Variants in CPAMD8 observed in about 807,000 individuals in gnomAD.
CPAMD8 encodes the protein C3 and PZP-like alpha-2-macroglobulin domain-containing protein 8.
Under a neutral mutation model 224.7 loss-of-function variants are expected in CPAMD8, and 146 were observed. That is an observed-to-expected ratio of 0.65 (90% CI 0.57 to 0.75). The LOEUF (loss-of-function observed/expected upper bound fraction) is 0.75, where lower values mean the gene tolerates loss of function less well. CPAMD8 is among the 30% of genes least tolerant of loss of function. CPAMD8 has a pLI of 0.00. For missense variants in CPAMD8, 2,301 were observed against 2,537.5 expected (o/e 0.91, Z 2.00); for synonymous variants, 966 against 1,044.6 (o/e 0.92, Z 1.45).
chr19:17,015,265 G>T (rs73499181), intron 3 of CPAMD8, among the ~76,000 whole-genome samples: 5,429 of 152,132 alleles, frequency 0.036, 329 homozygotes, highest in African/African-American at 0.12. Flanking sequence ...TAAAAAAAAT[G>T]TAAAAATAAA....
intron 14 of CPAMD8, among the ~76,000 whole-genome samples, chr19:16,979,953 T>C (rs1262341518): frequency 6.6e-6 from 1 of 151,614 alleles, no homozygotes; most frequent in Non-Finnish European, 1.5e-5. Flanking sequence ...GGAAAGTTGG[T>C]ACTACTGGCA....
chr19:16,945,723 A>AAG (rs772655172), intron 21 of CPAMD8, 44 bp from the exon 22 acceptor site: 1 of 1,601,292 alleles, frequency 6.2e-7, no homozygotes, highest in South Asian at 1.1e-5. Context: ...GTCTCCACCC[A>AAG]AGATGGGGGC....
intron 27 of CPAMD8, among the ~76,000 whole-genome samples, chr19:16,919,444 A>C (rs2053086544): frequency 6.6e-6 from 1 of 152,196 alleles, no homozygotes; most frequent in Non-Finnish European, 1.5e-5. Context: ...TTTGGAAACA[A>C]ATCTTCCAGC....
At chr19:17,026,120 C>G (rs2057074440) in intron 1 of CPAMD8, among the ~76,000 whole-genome samples, 2 of 152,202 alleles carry the variant, frequency 1.3e-5, no homozygotes. Context: ...CAGAAGCCTG[C>G]AAGCAAACCT....
chr19:16,927,630 G>A (rs371769254), intron 25 of CPAMD8, among the ~76,000 whole-genome samples: 1 of 152,096 alleles, frequency 6.6e-6, no homozygotes, highest in Non-Finnish European at 1.5e-5. Context: ...ATATCTGGCT[G>A]ACTTATTCAG....
intron 11 of CPAMD8, 103 bp from the exon 12 acceptor site, chr19:16,993,689 T>A: frequency 1.8e-6 from 2 of 1,083,098 alleles, no homozygotes; most frequent in Non-Finnish European, 2.6e-6. Flanking sequence ...GCAGGCTTCT[T>A]TGTAGAAATT....
chr19:16,972,625 G>A (rs62125978), intron 17 of CPAMD8, among the ~76,000 whole-genome samples: 40,400 of 151,840 alleles, frequency 0.27, 5,720 homozygotes, highest in African/African-American at 0.36. Context: ...TAGTAGAGAC[G>A]GGGTTTCACT....
intron 23 of CPAMD8, among the ~76,000 whole-genome samples, chr19:16,929,650 T>C (rs2053487787): frequency 6.6e-6 from 1 of 152,116 alleles, no homozygotes; most frequent in Non-Finnish European, 1.5e-5. Context: ...CAGTGAGCCA[T>C]GATTGCACCA....
At chr19:16,982,349 GCC>G (rs1340911288) in intron 13 of CPAMD8, among the ~76,000 whole-genome samples, 1 of 151,864 alleles carries the variant, frequency 6.6e-6, no homozygotes, top group African/African-American at 2.4e-5. Context: ...TCATGATCAT[GCC>G]ACTGCACCCT....
intron 14 of CPAMD8, among the ~76,000 whole-genome samples, chr19:16,978,819 C>A (rs768726983): frequency 2.6e-5 from 4 of 151,362 alleles, no homozygotes; most frequent in African/African-American, 9.7e-5. Flanking sequence ...CCACCATCTA[C>A]CCATCCATCC....
At chr19:17,000,902 G>A (rs149112510) in intron 9 of CPAMD8, among the ~76,000 whole-genome samples, 1 of 152,316 alleles carries the variant, frequency 6.6e-6, no homozygotes, top group African/African-American at 2.4e-5. Flanking sequence ...GAACTTCTCT[G>A]AGCCTGTTTC....
At chr19:16,991,165 T>C (rs1438969645) in intron 12 of CPAMD8, among the ~76,000 whole-genome samples, 1 of 152,166 alleles carries the variant, frequency 6.6e-6, no homozygotes, top group African/African-American at 2.4e-5. Context: ...GCTCAGCTTG[T>C]GGGGATTACA....
intron 29 of CPAMD8, among the ~76,000 whole-genome samples, chr19:16,913,019 G>C (rs2052787575): frequency 6.6e-6 from 1 of 152,206 alleles, no homozygotes; most frequent in East Asian, 1.9e-4. Flanking sequence ...GCCAGAATAA[G>C]AATATTTGCA....
chr19:16,986,754 T>C (rs527368168), intron 13 of CPAMD8, among the ~76,000 whole-genome samples: 3 of 152,154 alleles, frequency 2.0e-5, no homozygotes, highest in South Asian at 2.1e-4. Flanking sequence ...GCTGGGGCTA[T>C]AGCTTGAGCC....
In CPAMD8 at chr19:16,904,604, G is replaced by A. The variant is rs1443607569; in HGVS notation, c.4028-52C>T. On this transcript the variant is annotated intron_variant, in intron 30 of 41. Transcript: ENST00000443236. Reference sequence around the variant, plus strand: ...TATAACCCACCCAGTGTGTAGCCTGGCATCCCATGGAGCGCATCCAAGCAT... The same window carrying A: ...TATAACCCACCCAGTGTGTAGCCTGACATCCCATGGAGCGCATCCAAGCAT... 4.0e-6 allele frequency: 5 copies of A among 1,254,248 alleles called. No individual in the cohort carries two copies. In the African/African-American group the frequency reaches 7.4e-5, roughly 18 times the overall value. 77.7% of individuals were successfully genotyped at this position (1,254,248 alleles called of 1,614,324 possible).
At chr19:16,925,964 T>C (rs2053344602) in intron 25 of CPAMD8, among the ~76,000 whole-genome samples, 1 of 152,088 alleles carries the variant, frequency 6.6e-6, no homozygotes, top group African/African-American at 2.4e-5. Context: ...TTTCATCATG[T>C]TGGCCAGGCT....
intron 7 of CPAMD8, among the ~76,000 whole-genome samples, chr19:17,008,070 G>A (rs920128480): frequency 6.6e-6 from 1 of 152,222 alleles, no homozygotes; most frequent in Non-Finnish European, 1.5e-5. Flanking sequence ...TCGGTAGGCT[G>A]AGGCAGGAGA....
chr19:16,969,237 T>A (rs1428440483), intron 18 of CPAMD8, among the ~76,000 whole-genome samples: 1 of 151,962 alleles, frequency 6.6e-6, no homozygotes, highest in Non-Finnish European at 1.5e-5. Flanking sequence ...AAGAATTGGG[T>A]AGGGAGGAGG....
intron 7 of CPAMD8, among the ~76,000 whole-genome samples, chr19:17,006,824 T>C (rs1184673521): frequency 1.3e-5 from 2 of 152,184 alleles, no homozygotes; most frequent in Middle Eastern, 3.2e-3. Flanking sequence ...TAGAGCCCCA[T>C]TTGCCATCTC....
Sources: allele counts gnomAD v4.1 joint callset (sites outside exome capture counted in the v4.1 genomes callset), GRCh38; gene constraint gnomAD v4.1.1; transcripts MANE v1.5; gene names NCBI Gene and HGNC (gene_info 2026-07-23, HGNC 2026-07-21).